GRM8: variants seen among roughly 807,000 people sequenced by gnomAD.
GRM8 encodes metabotropic glutamate receptor 8.
A neutral mutation model predicts 87.2 loss-of-function variants in GRM8; 47 were observed. The ratio of observed to expected loss-of-function variants is 0.54; its 90% CI spans 0.43 to 0.69. The LOEUF (loss-of-function observed/expected upper bound fraction) is 0.69, where lower values mean the gene tolerates loss of function less well. GRM8 is among the 30% of genes least tolerant of loss of function. The pLI is 0.00. For missense variants in GRM8, 1,019 were observed against 1,139.2 expected, an observed-to-expected ratio of 0.89 and a Z score of 1.52; for synonymous variants, 396 against 404.5, an observed-to-expected ratio of 0.98 and a Z score of 0.25.
intron 7 of GRM8, among the ~76,000 whole-genome samples, chr7:126,707,863 G>A (rs1810697833): frequency 6.6e-6 from 1 of 151,964 alleles, no homozygotes; most frequent in Admixed American, 6.6e-5. Flanking sequence ...AGAACACCAA[G>A]AGCACAGGCA....
At chr7:126,583,355 TCA>T (rs3038822) in intron 8 of GRM8, among the ~76,000 whole-genome samples, 1 of 151,192 alleles carries the variant, frequency 6.6e-6, no homozygotes, top group Non-Finnish European at 1.5e-5. Context: ...AAACTCTGTC[TCA>T]CACACACACA....
intron 3 of GRM8, among the ~76,000 whole-genome samples, chr7:126,964,364 G>A (rs1185389350): frequency 6.6e-6 from 1 of 152,166 alleles, no homozygotes; most frequent in Non-Finnish European, 1.5e-5. Flanking sequence ...TATCATCAGA[G>A]TGAACAGGCA....
chr7:126,460,917 G>A (rs964781393), intron 9 of GRM8, among the ~76,000 whole-genome samples: 2 of 151,468 alleles, frequency 1.3e-5, no homozygotes, highest in African/African-American at 2.4e-5. Flanking sequence ...AAACTTGTAA[G>A]TATATTTTAG....
chr7:127,187,929 T>C (rs1467107779), intron 2 of GRM8, among the ~76,000 whole-genome samples: 1 of 152,236 alleles, frequency 6.6e-6, no homozygotes, highest in Non-Finnish European at 1.5e-5. Context: ...CTGATCTCAT[T>C]ATTCCTCCAC....
chr7:127,246,901 C>A (rs1189293708), intron 1 of GRM8, among the ~76,000 whole-genome samples: 1 of 152,178 alleles, frequency 6.6e-6, no homozygotes, highest in East Asian at 1.9e-4. Flanking sequence ...TTGAATATGG[C>A]CCCAACCCCT....
chr7:126,717,923 T>C (rs1811932064), intron 7 of GRM8, among the ~76,000 whole-genome samples: 1 of 152,150 alleles, frequency 6.6e-6, no homozygotes, highest in Non-Finnish European at 1.5e-5. Context: ...TTAGTTTGAA[T>C]GGTGATGTCT....
chr7:126,876,553 TC>T (rs1799538594), intron 6 of GRM8, among the ~76,000 whole-genome samples: 1 of 152,138 alleles, frequency 6.6e-6, no homozygotes, highest in Non-Finnish European at 1.5e-5. Flanking sequence ...TTTTGAGGTA[TC>T]CATGAGGATA....
chr7:127,055,365 G>A (rs1313383872), intron 3 of GRM8, among the ~76,000 whole-genome samples: 1 of 152,142 alleles, frequency 6.6e-6, no homozygotes, highest in Non-Finnish European at 1.5e-5. Flanking sequence ...AGGAGATTGT[G>A]ACTTGGCACA....
chr7:126,466,897 C>T (rs755802632), intron 9 of GRM8, among the ~76,000 whole-genome samples: 4 of 152,004 alleles, frequency 2.6e-5, no homozygotes, highest in Middle Eastern at 3.4e-3. Flanking sequence ...CATCCCTTTG[C>T]CCAGTTAAGT....
intron 2 of GRM8, among the ~76,000 whole-genome samples, chr7:127,158,466 A>T (rs1370586754): frequency 6.6e-6 from 1 of 152,208 alleles, no homozygotes; most frequent in African/African-American, 2.4e-5. Flanking sequence ...GCTATAATAA[A>T]AATACCTTAG....
At chr7:126,996,277 T>G (rs1482558824) in intron 3 of GRM8, among the ~76,000 whole-genome samples, 1 of 151,980 alleles carries the variant, frequency 6.6e-6, no homozygotes, top group African/African-American at 2.4e-5. Context: ...AATCAGATAG[T>G]AGAAAGCAGA....
At chr7:126,520,782 G>T (rs528746347) in intron 9 of GRM8, among the ~76,000 whole-genome samples, 1 of 152,030 alleles carries the variant, frequency 6.6e-6, no homozygotes, top group African/African-American at 2.4e-5. Context: ...AGACATGTAC[G>T]TTATAATCCT....
intron 3 of GRM8, among the ~76,000 whole-genome samples, chr7:127,067,830 CTTA>C (rs758398220): frequency 6.6e-6 from 1 of 152,060 alleles, no homozygotes; most frequent in South Asian, 2.1e-4. Context: ...TCATTTTCAT[CTTA>C]TTATTATTAT....
chr7:127,086,902 TCA>T (rs1823567293), intron 3 of GRM8, among the ~76,000 whole-genome samples: 1 of 152,210 alleles, frequency 6.6e-6, no homozygotes, highest in Non-Finnish European at 1.5e-5. Flanking sequence ...AAAGCTGAAC[TCA>T]CAAGTTCATG....
At chr7:126,530,248 C>T (rs527514850) in intron 9 of GRM8, among the ~76,000 whole-genome samples, 3 of 152,278 alleles carry the variant, frequency 2.0e-5, no homozygotes, top group East Asian at 1.9e-4. Context: ...CATTCTCTGA[C>T]GTTATTCTGA....
intron 6 of GRM8, among the ~76,000 whole-genome samples, chr7:126,787,750 G>C (rs530162810): frequency 6.6e-6 from 1 of 151,632 alleles, no homozygotes; most frequent in Non-Finnish European, 1.5e-5. Flanking sequence ...TGCTGTGGTC[G>C]ATATCTTTTT....
intron 7 of GRM8, among the ~76,000 whole-genome samples, chr7:126,713,461 G>A (rs1467471296): frequency 6.6e-6 from 1 of 152,138 alleles, no homozygotes; most frequent in Non-Finnish European, 1.5e-5. Context: ...AGGGAACAAG[G>A]GGAGGGAGAG....
Position 127,150,800 on chromosome 7 carries a change from C to G in GRM8, c.511-44088G>C, listed in dbSNP as rs368635489. ...GTCTTATTACACAGTGTGGGCCCACCATTCTCAGCTGACCCTTGGGTTGGC... is the reference window on the plus strand; with the variant it reads ...GTCTTATTACACAGTGTGGGCCCACGATTCTCAGCTGACCCTTGGGTTGGC... On this transcript the variant is annotated intron_variant, in intron 2 of 10. Coordinates refer to ENST00000339582, the MANE Select transcript of GRM8 (RefSeq NM_000845.3). Among the ~76,000 whole-genome samples, 26 of 152,120 alleles carry G rather than the reference C, an allele frequency of 1.7e-4. No individual in the cohort carries two copies. The South Asian group carries it at 1.9e-3, about 11-fold the overall frequency.
chr7:126,993,115 G>C (rs12164089), intron 3 of GRM8, among the ~76,000 whole-genome samples: 51,095 of 151,892 alleles, frequency 0.34, 8,733 homozygotes, highest in Middle Eastern at 0.38. Flanking sequence ...CGAATTCACT[G>C]CAGATTTTTC....
Sources: gnomAD v4.1 joint callset for allele counts (sites outside exome capture counted in the v4.1 genomes callset) on GRCh38, gnomAD v4.1.1 for gene constraint, MANE v1.5 for transcripts, NCBI Gene and HGNC (gene_info 2026-07-23, HGNC 2026-07-21) for gene names.